ZNF385D: variants seen among roughly 807,000 people sequenced by gnomAD.
The protein encoded by ZNF385D is zinc finger protein 385D.
In ZNF385D, 15 loss-of-function variants were observed where a neutral mutation model predicts 35.8. The observed-to-expected ratio is 0.42, with a 90% confidence interval of 0.28 to 0.64. ZNF385D has a LOEUF of 0.64. Ranked by LOEUF, ZNF385D falls within the 30% of genes least tolerant of loss-of-function variation. The probability of loss-of-function intolerance (pLI) is 0.23; values close to 1 mark genes in which losing one functional copy is unlikely to be tolerated. For missense variants in ZNF385D, 474 were observed against 494.6 expected (o/e 0.96, Z 0.39); for synonymous variants, 212 against 186.8 (o/e 1.13, Z -1.10).
At chr3:21,991,161 G>A (rs1473407184) in intron 3 of ZNF385D, among the ~76,000 whole-genome samples, 2 of 152,198 alleles carry the variant, frequency 1.3e-5, no homozygotes, top group East Asian at 3.9e-4. Flanking sequence ...AGTGTTTTAT[G>A]CATGTGTTTG....
intron 3 of ZNF385D, among the ~76,000 whole-genome samples, chr3:21,930,016 A>C (rs1700922000): frequency 6.6e-6 from 1 of 152,106 alleles, no homozygotes; most frequent in Admixed American, 6.5e-5. Context: ...CGAAGAATAA[A>C]GTACTCACAC....
At chr3:22,153,071 C>G (rs146453923) in intron 3 of ZNF385D, among the ~76,000 whole-genome samples, 60 of 152,246 alleles carry the variant, frequency 3.9e-4, no homozygotes, top group African/African-American at 1.1e-3. Context: ...ATGGTTAAAA[C>G]TGACCAATGT....
chr3:22,211,380 G>A (rs1697512597), intron 2 of ZNF385D, among the ~76,000 whole-genome samples: 1 of 151,844 alleles, frequency 6.6e-6, no homozygotes, highest in African/African-American at 2.4e-5. Context: ...AGTTCCCTGA[G>A]CCCTCCTGAG....
chr3:21,670,831 T>C (rs1035081383), intron 1 of ZNF385D, among the ~76,000 whole-genome samples: 2 of 151,522 alleles, frequency 1.3e-5, no homozygotes, highest in Non-Finnish European at 2.9e-5. Context: ...AACCAGAAAC[T>C]AGCCCTTTCA....
intron 3 of ZNF385D, among the ~76,000 whole-genome samples, chr3:21,872,208 T>C (rs1445337865): frequency 6.6e-6 from 1 of 152,150 alleles, no homozygotes; most frequent in African/African-American, 2.4e-5. Context: ...CAGAAATTTA[T>C]TGATGCTCGA....
intron 3 of ZNF385D, among the ~76,000 whole-genome samples, chr3:21,826,450 G>T (rs995794582): frequency 2.0e-5 from 3 of 152,148 alleles, no homozygotes; most frequent in African/African-American, 7.2e-5. Flanking sequence ...GAAATATTTG[G>T]TAAGGCAACA....
chr3:22,294,071 TGGA>T (rs1332348326), intron 2 of ZNF385D, among the ~76,000 whole-genome samples: 2 of 152,030 alleles, frequency 1.3e-5, no homozygotes, highest in African/African-American at 4.8e-5. Context: ...ATAGAGTATT[TGGA>T]GGAGGAGGAA....
At chr3:22,146,891 G>C (rs571346610) in intron 3 of ZNF385D, among the ~76,000 whole-genome samples, 1 of 152,244 alleles carries the variant, frequency 6.6e-6, no homozygotes, top group Admixed American at 6.5e-5. Context: ...ACATATTTGG[G>C]AAGTGTATTG....
intron 1 of ZNF385D, among the ~76,000 whole-genome samples, chr3:21,700,949 G>A (rs946672806): frequency 1.3e-5 from 2 of 152,150 alleles, no homozygotes; most frequent in African/African-American, 4.8e-5. Context: ...GCCTCCAGGT[G>A]TACTCTAACT....
intron 3 of ZNF385D, among the ~76,000 whole-genome samples, chr3:21,996,236 A>G (rs1695458993): frequency 6.6e-6 from 1 of 152,164 alleles, no homozygotes; most frequent in African/African-American, 2.4e-5. Flanking sequence ...GTCCACAAGC[A>G]TCAAGGGACT....
At chr3:22,192,796 C>T (rs985564626) in intron 2 of ZNF385D, among the ~76,000 whole-genome samples, 8 of 152,158 alleles carry the variant, frequency 5.3e-5, no homozygotes, top group African/African-American at 1.9e-4. Flanking sequence ...TGGAATTCTG[C>T]CTCCTCTACA....
At chr3:22,080,231 G>C (rs958840336) in intron 3 of ZNF385D, among the ~76,000 whole-genome samples, 5 of 152,112 alleles carry the variant, frequency 3.3e-5, no homozygotes, top group Admixed American at 3.3e-4. Flanking sequence ...CACAAATTTA[G>C]AGTGTTACTG....
intron 3 of ZNF385D, among the ~76,000 whole-genome samples, chr3:21,989,250 T>C (rs1386703971): frequency 6.6e-6 from 1 of 152,176 alleles, no homozygotes; most frequent in South Asian, 2.1e-4. Flanking sequence ...ATATCAAAGC[T>C]CAACCAACTT....
intron 3 of ZNF385D, among the ~76,000 whole-genome samples, chr3:22,105,058 A>T (rs1039499808): frequency 4.6e-5 from 7 of 152,300 alleles, no homozygotes; most frequent in Non-Finnish European, 8.8e-5. Flanking sequence ...GAATAATTTT[A>T]AAATGTAGTA....
At chr3:22,227,634 G>A (rs1698639778) in intron 2 of ZNF385D, among the ~76,000 whole-genome samples, 1 of 152,120 alleles carries the variant, frequency 6.6e-6, no homozygotes. Context: ...GACTAGTGAT[G>A]GCAGGGAAGA....
At chr3:21,825,814 C>T (rs187509497) in intron 3 of ZNF385D, among the ~76,000 whole-genome samples, 9 of 152,198 alleles carry the variant, frequency 5.9e-5, no homozygotes, top group African/African-American at 1.9e-4. Flanking sequence ...ACCAGTCCCT[C>T]GCTTGTTAGG....
At chr3:21,773,780 G>A (rs2071176353) in intron 3 of ZNF385D, among the ~76,000 whole-genome samples, 5 of 151,702 alleles carry the variant, frequency 3.3e-5, no homozygotes, top group Admixed American at 3.3e-4. Context: ...AACAACTGCT[G>A]GTGAGGTTGT....
At chr3:22,271,517 C>G (rs1701175563) in intron 2 of ZNF385D, among the ~76,000 whole-genome samples, 1 of 151,906 alleles carries the variant, frequency 6.6e-6, no homozygotes, top group South Asian at 2.1e-4. Context: ...TACCAAGTCC[C>G]CATTTAATCG....
intron 3 of ZNF385D, among the ~76,000 whole-genome samples, chr3:21,549,276 T>C (rs2062487976): frequency 6.6e-6 from 1 of 152,206 alleles, no homozygotes. Context: ...TGAAATGACC[T>C]AATATTGGGG....
Sources: gnomAD v4.1 joint callset for allele counts (sites outside exome capture counted in the v4.1 genomes callset) on GRCh38, gnomAD v4.1.1 for gene constraint, MANE v1.5 for transcripts, NCBI Gene and HGNC (gene_info 2026-07-23, HGNC 2026-07-21) for gene names.